Variants in SLC1A2 observed in about 807,000 individuals in gnomAD.
The protein encoded by SLC1A2 is excitatory amino acid transporter 2.
Under a neutral mutation model 48.8 loss-of-function variants are expected in SLC1A2, and 15 were observed. The observed-to-expected ratio is 0.31, with a 90% CI of 0.21 to 0.47. SLC1A2 has a LOEUF of 0.47. Among genes scored for constraint, SLC1A2 ranks in the 20% least tolerant of loss-of-function variants. The probability of loss-of-function intolerance (pLI) is 0.99; values close to 1 mark genes in which losing one functional copy is unlikely to be tolerated. For synonymous variants in SLC1A2, 279 were observed against 272.6 expected (o/e 1.02, Z -0.23); for missense variants, 502 against 730.5 (o/e 0.69, Z 3.61).
intron 1 of SLC1A2, among the ~76,000 whole-genome samples, chr11:35,411,620 C>T (rs1433436584): frequency 6.6e-6 from 1 of 152,132 alleles, no homozygotes; most frequent in Non-Finnish European, 1.5e-5. Flanking sequence ...TATGCCCAGC[C>T]CAACTGTCCT....
intron 1 of SLC1A2, among the ~76,000 whole-genome samples, chr11:35,387,879 AT>A (rs1204482906): frequency 6.6e-6 from 1 of 152,262 alleles, no homozygotes; most frequent in East Asian, 1.9e-4. Context: ...ATGAAAACTT[AT>A]TCATACCAAA....
chr11:35,365,211 C>T (rs185261250), intron 1 of SLC1A2, among the ~76,000 whole-genome samples: 1 of 152,306 alleles, frequency 6.6e-6, no homozygotes, highest in East Asian at 1.9e-4. Context: ...TAAAATAATA[C>T]AGCAAAGGTG....
intron 8 of SLC1A2, among the ~76,000 whole-genome samples, chr11:35,282,079 AG>A (rs35406020): frequency 0.22 from 33,549 of 151,980 alleles, 3,854 homozygotes; most frequent in Admixed American, 0.28. Context: ...TGGAAGATTA[AG>A]GCCCCTGGAG....
chr11:35,401,393 C>T (rs1239457153), intron 1 of SLC1A2, among the ~76,000 whole-genome samples: 2 of 152,070 alleles, frequency 1.3e-5, no homozygotes, highest in Non-Finnish European at 2.9e-5. Context: ...GCCTGTTATC[C>T]GTCATGTTGA....
chr11:35,269,139 T>C (rs1420220395), intron 9 of SLC1A2, among the ~76,000 whole-genome samples: 1 of 152,152 alleles, frequency 6.6e-6, no homozygotes, highest in African/African-American at 2.4e-5. Flanking sequence ...CAATAGAGAC[T>C]CCTTGGCCCT....
chr11:35,285,373 G>A (rs962511939), intron 8 of SLC1A2: 2 of 152,222 alleles, frequency 1.3e-5, no homozygotes, highest in African/African-American at 2.4e-5. Context: ...TATGGAAAGA[G>A]TCCGCCATCT....
At chr11:35,370,807 C>T in intron 1 of SLC1A2, 1 of 232,762 alleles carries the variant, frequency 4.3e-6, no homozygotes, top group Non-Finnish European at 7.0e-6. Context: ...CCCTCCCCAG[C>T]ATTGCAGCAG....
At chr11:35,280,211 G>C (rs1319847858) in intron 9 of SLC1A2, among the ~76,000 whole-genome samples, 1 of 152,022 alleles carries the variant, frequency 6.6e-6, no homozygotes, top group African/African-American at 2.4e-5. Context: ...CCCTAGGCTA[G>C]AGGGCAGTGG....
At chr11:35,263,556 C>T (rs940884982) in intron 10 of SLC1A2, among the ~76,000 whole-genome samples, 3 of 152,166 alleles carry the variant, frequency 2.0e-5, no homozygotes, top group Non-Finnish European at 4.4e-5. Flanking sequence ...AAAGACATCT[C>T]CACGCCCACA....
At chr11:35,266,297 T>C (rs1950483168) in intron 9 of SLC1A2, among the ~76,000 whole-genome samples, 1 of 152,218 alleles carries the variant, frequency 6.6e-6, no homozygotes, top group Non-Finnish European at 1.5e-5. Flanking sequence ...AACCCTTCCT[T>C]TCTCCCTGCA....
At chr11:35,286,631 C>CT (rs1475542268) in intron 8 of SLC1A2, 126 bp downstream of exon 8, 24 of 660,192 alleles carry the variant, frequency 3.6e-5, no homozygotes, top group Non-Finnish European at 5.4e-5. Context: ...AATAGTTTCT[C>CT]TTTTTTTATT....
chr11:35,377,662 C>CTTTG, intron 1 of SLC1A2, among the ~76,000 whole-genome samples: 1 of 152,250 alleles, frequency 6.6e-6, no homozygotes, highest in Non-Finnish European at 1.5e-5. Context: ...AAAAAATCAT[C>CTTTG]AAGTAGATAC....
intron 1 of SLC1A2, among the ~76,000 whole-genome samples, chr11:35,394,601 A>G (rs1854895357): frequency 6.6e-6 from 1 of 152,126 alleles, no homozygotes; most frequent in Non-Finnish European, 1.5e-5. Flanking sequence ...ACTCCATTGT[A>G]CCACCTTCAG....
intron 1 of SLC1A2, among the ~76,000 whole-genome samples, chr11:35,390,292 G>C (rs79877444): frequency 6.6e-6 from 1 of 152,072 alleles, no homozygotes; most frequent in Admixed American, 6.6e-5. Context: ...ACACAGGCAC[G>C]TGCACACACA....
rs538667185 is a variant in SLC1A2, at chr11:35,357,038, G to A, written c.18-39522C>T. 3.9e-5 allele frequency among the ~76,000 whole-genome samples: 6 copies of A among 152,000 alleles called. No homozygotes were observed. In the South Asian group the frequency reaches 6.2e-4, roughly 16 times the overall value. Reference sequence around the variant, plus strand: ...GGGCAGATCATGAGGTCAGGAGATCGAGACCATCCTATCTAACATGGTAAA... The same window carrying A: ...GGGCAGATCATGAGGTCAGGAGATCAAGACCATCCTATCTAACATGGTAAA... On this transcript the variant is annotated intron_variant, in intron 1 of 10. Transcript: ENST00000278379.
intron 1 of SLC1A2, among the ~76,000 whole-genome samples, chr11:35,403,572 A>G (rs1855195072): frequency 6.6e-6 from 1 of 152,194 alleles, no homozygotes; most frequent in Admixed American, 6.5e-5. Flanking sequence ...CCCCTTGTTC[A>G]AATTAAACAT....
At chr11:35,273,065 A>C (rs1352210550) in intron 9 of SLC1A2, among the ~76,000 whole-genome samples, 1 of 152,238 alleles carries the variant, frequency 6.6e-6, no homozygotes, top group Non-Finnish European at 1.5e-5. Context: ...GGTGTCTTGC[A>C]TTGGATTGAA....
At chr11:35,331,953 A>G (rs1045971905) in intron 1 of SLC1A2, among the ~76,000 whole-genome samples, 8 of 152,158 alleles carry the variant, frequency 5.3e-5, no homozygotes, top group Non-Finnish European at 2.9e-5. Context: ...AATTTTTGAG[A>G]GACTAGTGAT....
intron 1 of SLC1A2, among the ~76,000 whole-genome samples, chr11:35,317,985 TC>T (rs1353985994): frequency 6.6e-6 from 1 of 152,200 alleles, no homozygotes; most frequent in Non-Finnish European, 1.5e-5. Flanking sequence ...GCCTTCCCCA[TC>T]CTGACATGTA....
Sources: allele counts gnomAD v4.1 joint callset (sites outside exome capture counted in the v4.1 genomes callset), GRCh38; gene constraint gnomAD v4.1.1; transcripts MANE v1.5; gene names NCBI Gene and HGNC (gene_info 2026-07-23, HGNC 2026-07-21).